Variants in MTUS2 observed in about 807,000 individuals in gnomAD.
MTUS2 encodes microtubule-associated tumor suppressor candidate 2.
In MTUS2, 40 loss-of-function variants were observed where a neutral mutation model predicts 114.1. That is an observed-to-expected ratio of 0.35 (90% confidence interval 0.27 to 0.46). The LOEUF is 0.46. Ranked by LOEUF, MTUS2 falls within the 20% of genes least tolerant of loss-of-function variation. The pLI, the probability that MTUS2 is intolerant of heterozygous loss-of-function variation, is 1.00. For missense variants in MTUS2, 1,679 were observed against 1,705.4 expected, an observed-to-expected ratio of 0.98 and a Z score of 0.27; for synonymous variants, 688 against 672.0, an observed-to-expected ratio of 1.02 and a Z score of -0.37.
intron 6 of MTUS2, among the ~76,000 whole-genome samples, chr13:29,305,320 A>C (rs1251592918): frequency 6.7e-6 from 1 of 150,320 alleles, no homozygotes; most frequent in Non-Finnish European, 1.5e-5. Flanking sequence ...GACATGAAAA[A>C]ACCTGTTAAA....
At chr13:29,262,926 A>G (rs745879446) in intron 5 of MTUS2, among the ~76,000 whole-genome samples, 1 of 152,184 alleles carries the variant, frequency 6.6e-6, no homozygotes, top group Non-Finnish European at 1.5e-5. Context: ...GCTGGTACTG[A>G]TGGTGTCAGC....
At chr13:29,200,953 T>G (rs1338249689) in intron 5 of MTUS2, among the ~76,000 whole-genome samples, 1 of 152,190 alleles carries the variant, frequency 6.6e-6, no homozygotes, top group Non-Finnish European at 1.5e-5. Flanking sequence ...TTAGAATAAA[T>G]GTGATGTGGT....
Position 28,961,880 on chromosome 13 carries a change from G to T in MTUS2, c.-242-62577G>T, listed in dbSNP as rs145811399. On this transcript the variant is annotated intron_variant, in intron 2 of 15. Coordinates refer to ENST00000612955, the MANE Select transcript of MTUS2 (RefSeq NM_001033602.4). ...TGATTTATGTTTGGTTATTTTGGTGGTTTGCAAATTCTTGTTATTTTAAAT... is the reference window on the plus strand; with the variant it reads ...TGATTTATGTTTGGTTATTTTGGTGTTTTGCAAATTCTTGTTATTTTAAAT... 1.7e-4 allele frequency among the ~76,000 whole-genome samples: 26 copies of T among 152,106 alleles called. 1 individual carries two copies. In the East Asian group the frequency reaches 4.6e-3, roughly 27 times the overall value.
intron 5 of MTUS2, among the ~76,000 whole-genome samples, chr13:29,244,955 CAAAAAAAAAAAAAA>C (rs56095961): frequency 1.2e-4 from 7 of 60,506 alleles, no homozygotes; most frequent in Admixed American, 4.1e-4. Flanking sequence ...GACTCCGTCT[CAAAAAAAAAAAAAA>C]AAAAAAAAAA....
At chr13:29,451,769 G>T (rs1484881001) in intron 9 of MTUS2, among the ~76,000 whole-genome samples, 1 of 151,980 alleles carries the variant, frequency 6.6e-6, no homozygotes, top group Admixed American at 6.6e-5. Context: ...TGTATTTTTA[G>T]TAGAGACAGG....
At chr13:28,822,047 C>T (rs1313402639) in intron 1 of MTUS2, among the ~76,000 whole-genome samples, 1 of 152,130 alleles carries the variant, frequency 6.6e-6, no homozygotes, top group Non-Finnish European at 1.5e-5. Flanking sequence ...TATGTTTACA[C>T]GGTAAAGTAA....
intron 5 of MTUS2, among the ~76,000 whole-genome samples, chr13:29,157,826 A>G (rs537568184): frequency 6.7e-6 from 1 of 149,424 alleles, no homozygotes; most frequent in Non-Finnish European, 1.5e-5. Flanking sequence ...AGATGTAGAT[A>G]TAGATATAGA....
chr13:29,180,638 C>A (rs1025406574), intron 5 of MTUS2, among the ~76,000 whole-genome samples: 1 of 152,148 alleles, frequency 6.6e-6, no homozygotes, highest in South Asian at 2.1e-4. Context: ...AAGGTTTATC[C>A]AAACTTATTG....
At chr13:29,186,903 T>C (rs1894248580) in intron 5 of MTUS2, among the ~76,000 whole-genome samples, 1 of 152,146 alleles carries the variant, frequency 6.6e-6, no homozygotes, top group African/African-American at 2.4e-5. Flanking sequence ...GATTAAAATT[T>C]TGCAAAGTAT....
intron 10 of MTUS2, among the ~76,000 whole-genome samples, chr13:29,485,544 A>G (rs897298299): frequency 1.3e-5 from 2 of 152,196 alleles, no homozygotes; most frequent in Admixed American, 6.5e-5. Flanking sequence ...CTAATTCCAT[A>G]TGAACTTTTG....
intron 5 of MTUS2, among the ~76,000 whole-genome samples, chr13:29,137,108 T>C (rs1415362387): frequency 6.6e-6 from 1 of 152,226 alleles, no homozygotes; most frequent in Non-Finnish European, 1.5e-5. Flanking sequence ...TTTTGTTTTT[T>C]TCTGCTGCAT....
chr13:29,383,989 T>A (rs1003498922), intron 8 of MTUS2, among the ~76,000 whole-genome samples: 1 of 152,194 alleles, frequency 6.6e-6, no homozygotes, highest in African/African-American at 2.4e-5. Flanking sequence ...TTAAAATAAG[T>A]TGACCTATAT....
chr13:28,911,484 A>G (rs1880429108), intron 2 of MTUS2, among the ~76,000 whole-genome samples: 1 of 152,066 alleles, frequency 6.6e-6, no homozygotes, highest in Non-Finnish European at 1.5e-5. Flanking sequence ...ATATTTTTAT[A>G]ATATAATAAT....
chr13:29,504,013 C>T lies in MTUS2; in HGVS notation c.*807C>T, dbSNP rs1593528662. On this transcript the variant is annotated 3_prime_UTR_variant, in exon 16 of 16. Transcript: ENST00000612955. Reference sequence around the variant, plus strand: ...ATGACAGTGACTCATCTCTGATAGTCTTGTAAACACAAGTTTTGCTTTTTT... The same window carrying T: ...ATGACAGTGACTCATCTCTGATAGTTTTGTAAACACAAGTTTTGCTTTTTT... 1 of 231,936 alleles carries T rather than the reference C, an allele frequency of 4.3e-6. No homozygotes were observed. The highest frequency in any genetic ancestry group is 6.1e-5 in the East Asian group (1 of 16,404). 14.4% of individuals were successfully genotyped at this position (231,936 alleles called of 1,614,324 possible).
At chr13:29,440,449 A>G (rs1877752741) in intron 9 of MTUS2, among the ~76,000 whole-genome samples, 1 of 152,234 alleles carries the variant, frequency 6.6e-6, no homozygotes, top group South Asian at 2.1e-4. Context: ...GAACAAGGTC[A>G]AAAGCACAAA....
intron 5 of MTUS2, among the ~76,000 whole-genome samples, chr13:29,157,356 A>G (rs1330298699): frequency 1.3e-5 from 2 of 152,348 alleles, no homozygotes; most frequent in African/African-American, 2.4e-5. Flanking sequence ...AATTCTCCAC[A>G]TACTCACCAG....
intron 2 of MTUS2, among the ~76,000 whole-genome samples, chr13:28,927,262 A>C (rs1475536840): frequency 6.6e-6 from 1 of 152,246 alleles, no homozygotes; most frequent in African/African-American, 2.4e-5. Flanking sequence ...TGTTCAGCAC[A>C]AGAAAGATAC....
chr13:29,122,462 A>G (rs897787924), intron 5 of MTUS2, among the ~76,000 whole-genome samples: 3 of 152,210 alleles, frequency 2.0e-5, no homozygotes, highest in Admixed American at 6.5e-5. Context: ...AGCCCCTTAC[A>G]AAACCATCAG....
intron 1 of MTUS2, among the ~76,000 whole-genome samples, chr13:28,834,341 G>T (rs9508174): frequency 0.52 from 78,750 of 151,952 alleles, 21,149 homozygotes; most frequent in African/African-American, 0.58. Context: ...TAGATCAGTG[G>T]TATAAAATTG....
Sources: gnomAD v4.1 joint callset for allele counts (sites outside exome capture counted in the v4.1 genomes callset) on GRCh38, gnomAD v4.1.1 for gene constraint, MANE v1.5 for transcripts, NCBI Gene and HGNC (gene_info 2026-07-23, HGNC 2026-07-21) for gene names.